Variants in KMT2C observed in about 807,000 individuals in gnomAD.
KMT2C encodes lysine methyltransferase 2C.
In KMT2C, 88 loss-of-function variants were observed where a neutral mutation model predicts 507.9. The ratio of observed to expected loss-of-function variants is 0.17; its 90% CI spans 0.15 to 0.21. The LOEUF (loss-of-function observed/expected upper bound fraction) is 0.21, where lower values mean the gene tolerates loss of function less well. Ranked by LOEUF, KMT2C falls within the 10% of genes least tolerant of loss-of-function variation. The pLI, the probability that KMT2C is intolerant of heterozygous loss-of-function variation, is 1.00. For missense variants in KMT2C, 4,954 were observed against 5,957.8 expected (o/e 0.83, Z 5.55); for synonymous variants, 2,049 against 2,080.8 (o/e 0.98, Z 0.42).
chr7:152,348,213 T>C (rs574478205), intron 2 of KMT2C, among the ~76,000 whole-genome samples: 1 of 152,308 alleles, frequency 6.6e-6, no homozygotes, highest in Non-Finnish European at 1.5e-5. Flanking sequence ...CTTCGAATAT[T>C]GAACACACCC....
intron 1 of KMT2C, among the ~76,000 whole-genome samples, chr7:152,370,695 CTTGTTCAA>C (rs2097287349): frequency 6.6e-6 from 1 of 152,222 alleles, no homozygotes; most frequent in African/African-American, 2.4e-5. Context: ...GAATGCTACA[CTTGTTCAA>C]TATTCAAAAA....
At chr7:152,435,604 G>A (rs1052507895) in intron 1 of KMT2C, 22 bp downstream of exon 1, 3 of 1,422,844 alleles carry the variant, frequency 2.1e-6, no homozygotes, top group Non-Finnish European at 2.8e-6. Flanking sequence ...CTCCCGGCCT[G>A]GCTCCCTCGC....
At chr7:152,235,969 A>G (rs200536064) in intron 15 of KMT2C, 36 bp from the exon 16 acceptor site, 1 of 978,350 alleles carries the variant, frequency 1.0e-6, no homozygotes, top group Admixed American at 2.6e-5. Context: ...ACATTCTGTG[A>G]CAGACCAAAA....
chr7:152,199,229 G>A (rs2094057326), intron 27 of KMT2C, 50 bp downstream of exon 27: 3 of 1,389,566 alleles, frequency 2.2e-6, no homozygotes, highest in South Asian at 1.4e-5. Context: ...CTGAAAGGAA[G>A]ATGTATGTTA....
intron 27 of KMT2C, among the ~76,000 whole-genome samples, chr7:152,198,192 A>G (rs536507342): frequency 6.6e-6 from 1 of 152,348 alleles, no homozygotes; most frequent in South Asian, 2.1e-4. Context: ...AGGAGGTAAA[A>G]AATATGTAAG....
At position 152,265,084 on chromosome 7, in the gene KMT2C, GT is replaced by G. The variant is rs2095841201; in HGVS notation, c.1137del (p.Lys379AsnfsTer26). ...CACTCAGGACATTGCCAACCTGCAC[GT>G]TTTAATGGAGTAACCGCTATATCCA... ...MCLDIAVTPLKRAGWQCPECK... is the reference protein window; with the variant it reads ...MCLDIAVTPLXRAGWQCPECK... On this transcript the variant is annotated frameshift_variant, in exon 8 of 59. Coordinates refer to ENST00000262189, the MANE Select transcript of KMT2C (RefSeq NM_170606.3). LOFTEE classifies it high-confidence loss of function. 6.2e-7 allele frequency: 1 copy of G among 1,613,772 alleles called. No homozygotes were observed. Among genetic ancestry groups the G allele is most frequent in the Admixed American group, 1.7e-5 (1 of 60,002 alleles).
chr7:152,421,414 C>T (rs1014043496), intron 1 of KMT2C, among the ~76,000 whole-genome samples: 5 of 152,102 alleles, frequency 3.3e-5, no homozygotes, highest in South Asian at 4.2e-4. Context: ...TAATAGAAAT[C>T]GTTCTACCAT....
chr7:152,163,274 C>A lies in KMT2C; in HGVS notation c.10303G>T (p.Gly3435Cys). The A allele has an allele frequency of 6.2e-7, 1 of 1,614,166 alleles. No individual in the cohort carries two copies. Among genetic ancestry groups the A allele is most frequent in the Non-Finnish European group, 8.5e-7 (1 of 1,180,034 alleles). Residue 3435 changes from glycine (G) to cysteine (C), a missense_variant, in exon 43 of 59, where the codon GGT (glycine) becomes TGT (cysteine). This residue lies in a region of KMT2C where 801 missense variants were observed against 751.2 expected (regional missense o/e 1.07). Coordinates refer to ENST00000262189, the MANE Select transcript of KMT2C (RefSeq NM_170606.3). The part of the protein sequence containing the change: ...LQQRMEMEQH[G>C]MVGSEISSSR... ...CTACTTATCTCAGAGCCCACCATAC[C>A]ATGCTGCTCCATTTCCATCCTCTGC...
intron 1 of KMT2C, among the ~76,000 whole-genome samples, chr7:152,372,136 T>C (rs1356243804): frequency 6.6e-6 from 1 of 152,078 alleles, no homozygotes; most frequent in Non-Finnish European, 1.5e-5. Flanking sequence ...AATTAAGCTC[T>C]CCAATAAGAC....
At position 152,368,612 on chromosome 7, in the gene KMT2C, A is replaced by G. The variant is rs1226210571; in HGVS notation, c.162-9937T>C. ...GCTCAACAACATATTTTAGAACAGAACTCTTCGAGAACCTTGGAAAAGAAC... is the reference window on the plus strand; with the variant it reads ...GCTCAACAACATATTTTAGAACAGAGCTCTTCGAGAACCTTGGAAAAGAAC... On this transcript the variant is annotated intron_variant, in intron 1 of 58. Coordinates refer to ENST00000262189, the MANE Select transcript of KMT2C (RefSeq NM_170606.3). 3.9e-5 allele frequency: 56 copies of G among 1,439,584 alleles called. No homozygotes were observed. The East Asian group carries it at 1.1e-3, about 29-fold the overall frequency. The allele number at this position is 1,439,584 out of a possible 1,614,324, so 89.2% of individuals were successfully genotyped here.
At chr7:152,179,668 GGGGGGGTGGTCTCACTATATTGCCCA>G (rs1220661403) in intron 37 of KMT2C, among the ~76,000 whole-genome samples, 140 bp downstream of exon 37, 4 of 143,590 alleles carry the variant, frequency 2.8e-5, no homozygotes, top group Non-Finnish European at 6.2e-5. Flanking sequence ...TTGGGGGGGG[GGGGGGGTGGTCTCACTATATTGCCCA>G]GGCTGGTCTC....
intron 9 of KMT2C, among the ~76,000 whole-genome samples, 192 bp from the exon 10 acceptor site, chr7:152,252,907 C>G (rs1352919908): frequency 6.6e-6 from 1 of 151,724 alleles, no homozygotes; most frequent in Non-Finnish European, 1.5e-5. Flanking sequence ...GGCTGGAGTG[C>G]AGTGGCGCAA....
Position 152,175,997 on chromosome 7 carries a change from C to G in KMT2C, c.9262+194G>C, listed in dbSNP as rs146623275. On this transcript the variant is annotated intron_variant, in intron 38 of 58. Coordinates refer to ENST00000262189, the MANE Select transcript of KMT2C (RefSeq NM_170606.3). ...GGTGGAGGTTGCTGTGAGCCGAGAT[C>G]GCGCCACTGCACTCCATCTTGGGTG... 5.9e-5 allele frequency among the ~76,000 whole-genome samples: 9 copies of G among 152,228 alleles called. No homozygotes were observed. In the East Asian group the frequency reaches 1.2e-3, roughly 20 times the overall value.
In KMT2C at chr7:152,203,177, G is replaced by C. The variant is rs1253747706; in HGVS notation, c.3962-113C>G. The C allele has an allele frequency of 4.1e-5, 32 of 774,584 alleles. No homozygotes were observed. In the East Asian group the frequency reaches 8.4e-4, roughly 20 times the overall value. 48.0% of individuals were successfully genotyped at this position (774,584 alleles called of 1,614,324 possible). ...CACACAGTTTCATATAAACAAACAA[G>C]CTTTTTGAACAAAAAAATCTCAAAT... On this transcript the variant is annotated intron_variant, in intron 25 of 58. Coordinates refer to ENST00000262189, the MANE Select transcript of KMT2C (RefSeq NM_170606.3).
At chr7:152,290,258 G>GTGTATA (rs1337492088) in intron 6 of KMT2C, among the ~76,000 whole-genome samples, 92 of 26,252 alleles carry the variant, frequency 3.5e-3, no homozygotes, top group East Asian at 9.7e-3. Flanking sequence ...GTGTGTATGT[G>GTGTATA]TATATATATA....
Position 152,297,055 on chromosome 7 carries a change from C to CAGACAGAAAG in KMT2C, c.849+12910_849+12911insCTTTCTGTCT, listed in dbSNP as rs1315629061. Among the ~76,000 whole-genome samples the CAGACAGAAAG allele has an allele frequency of 3.0e-3, 254 of 84,414 alleles. 4 individuals carry two copies. Among genetic ancestry groups the CAGACAGAAAG allele is most frequent in the African/African-American group, 0.013 (242 of 18,308 alleles). 55.4% of individuals were successfully genotyped at this position (84,414 alleles called of 152,430 possible). Reference sequence around the variant, plus strand: ...AAAGAAAGAAAGAAAGAAAGAAAGACAGAGAGAGAGAGAGAGAGAGAGAGA... The same window carrying CAGACAGAAAG: ...AAAGAAAGAAAGAAAGAAAGAAAGACAGACAGAAAGAGAGAGAGAGAGAGAGAGAGAGAGA... On this transcript the variant is annotated intron_variant, in intron 6 of 58. Coordinates refer to ENST00000262189, the MANE Select transcript of KMT2C (RefSeq NM_170606.3).
chr7:152,321,479 CTG>C (rs370547672), intron 3 of KMT2C, among the ~76,000 whole-genome samples: 1 of 151,846 alleles, frequency 6.6e-6, no homozygotes, highest in East Asian at 1.9e-4. Flanking sequence ...AGAAGTGAAA[CTG>C]TCTTTATTTG....
At chr7:152,187,080 T>G (rs1213720336) in intron 33 of KMT2C, among the ~76,000 whole-genome samples, 182 bp downstream of exon 33, 1 of 152,060 alleles carries the variant, frequency 6.6e-6, no homozygotes, top group Non-Finnish European at 1.5e-5. Flanking sequence ...AATATGAGGA[T>G]GGATGCAGGG....
intron 2 of KMT2C, among the ~76,000 whole-genome samples, chr7:152,332,844 G>A (rs867473458): frequency 6.0e-5 from 7 of 116,196 alleles, no homozygotes; most frequent in Non-Finnish European, 1.0e-4. Flanking sequence ...ATGAAACTGC[G>A]TCTCAAAACA....
Sources: gnomAD v4.1 joint callset for allele counts (sites outside exome capture counted in the v4.1 genomes callset) on GRCh38, gnomAD v4.1.1 for gene constraint, gnomAD v4.1.1 regional missense constraint, MANE v1.5 for transcripts, NCBI Gene and HGNC (gene_info 2026-07-23, HGNC 2026-07-21) for gene names.